The following MYH14 variants were observed in gnomAD, a reference collection of about 807,000 sequenced individuals.
MYH14 encodes the protein myosin-14.
A neutral mutation model predicts 255.5 loss-of-function variants in MYH14; 123 were observed. The observed-to-expected ratio is 0.48, with a 90% CI of 0.42 to 0.56. MYH14 has a LOEUF of 0.56. Ranked by LOEUF, MYH14 falls within the 20% of genes least tolerant of loss-of-function variation. The pLI is 0.00. For missense variants in MYH14, 2,423 were observed against 2,802.3 expected, an observed-to-expected ratio of 0.86 and a Z score of 3.06; for synonymous variants, 1,095 against 1,161.2, an observed-to-expected ratio of 0.94 and a Z score of 1.16.
rs1178352513 is a variant in MYH14, at chr19:50,276,135, G to A, written c.3612G>A (p.Glu1204=). ...KAEKQRRDLG[E]ELEALRGELE... ...AGAAGCAGCGCCGGGACCTGGGCGA[G>A]GAGCTGGAGGCGCTGCGGGGCGAGC... Residue 1204 remains glutamate, a synonymous_variant, in exon 28 of 43, where the codon GAG becomes GAA. Coordinates refer to ENST00000642316, the MANE Select transcript of MYH14 (RefSeq NM_001145809.2). The surrounding 1 kb of genome is among the most constrained non-coding windows in gnomAD (Gnocchi z 4.3). The A allele has an allele frequency of 6.3e-7, 1 of 1,587,684 alleles. No individual in the cohort carries two copies. The highest frequency in any genetic ancestry group is 8.6e-7 in the Non-Finnish European group (1 of 1,168,354).
At chr19:50,243,728 C>T (rs1236762644) in intron 10 of MYH14, among the ~76,000 whole-genome samples, 1 of 152,248 alleles carries the variant, frequency 6.6e-6, no homozygotes, top group African/African-American at 2.4e-5. Context: ...AAGCCACACA[C>T]AGCATTGTTT....
At chr19:50,303,967 A>G (rs1245692190) in intron 40 of MYH14, among the ~76,000 whole-genome samples, 1 of 152,212 alleles carries the variant, frequency 6.6e-6, no homozygotes, top group Admixed American at 6.5e-5. Context: ...TTCCAATACA[A>G]TAGATTTTCC....
Position 50,288,044 on chromosome 19 carries a change from C to A in MYH14, c.4752+1350C>A, listed in dbSNP as rs1483071295. On this transcript the variant is annotated intron_variant, in intron 34 of 42. Transcript: ENST00000642316. ...TAGGGTGGTGCCCCAAGGCTTCTCGCAGGCTCCCCTCACCCAGCCAGTGTC... is the reference window on the plus strand; with the variant it reads ...TAGGGTGGTGCCCCAAGGCTTCTCGAAGGCTCCCCTCACCCAGCCAGTGTC... Among the ~76,000 whole-genome samples, 8 of 152,290 alleles carry A rather than the reference C, an allele frequency of 5.3e-5. No homozygotes were observed. In the East Asian group the frequency reaches 1.5e-3, roughly 29 times the overall value.
intron 2 of MYH14, among the ~76,000 whole-genome samples, chr19:50,215,337 G>C (rs1249538056): frequency 2.0e-5 from 3 of 152,156 alleles, no homozygotes; most frequent in Non-Finnish European, 2.9e-5. Flanking sequence ...TCTGAGAGCT[G>C]GGGGGAGCTC....
Position 50,244,291 on chromosome 19 carries a change from G to A in MYH14, c.1164G>A (p.Leu388=), listed in dbSNP as rs1373649544. The stretch of plus-strand genomic sequence containing the variant: ...TTCTCCAGTTTGGCAACATTGCCTT[G>A]AAGAGAGAACGGAACACCGATCAAG... ...SAVLQFGNIA[L]KRERNTDQAT... The change falls in exon 11 of 43, where the codon TTG becomes TTA. Residue 388 remains leucine (L), a synonymous_variant. Transcript: ENST00000642316. The A allele has an allele frequency of 1.9e-6, 3 of 1,613,810 alleles. No individual in the cohort carries two copies. Among genetic ancestry groups the A allele is most frequent in the Non-Finnish European group, 1.7e-6 (2 of 1,179,874 alleles).
At chr19:50,296,538 C>T (rs920716367) in intron 39 of MYH14, among the ~76,000 whole-genome samples, 3 of 152,092 alleles carry the variant, frequency 2.0e-5, no homozygotes, top group African/African-American at 7.2e-5. Flanking sequence ...ATCCGGGAAG[C>T]AGAGGTTGTA....
In MYH14 at chr19:50,281,738, G is replaced by A. The variant is rs1385873176; in HGVS notation, c.4435G>A (p.Gly1479Ser). 1.9e-6 allele frequency: 3 copies of A among 1,611,586 alleles called. No individual in the cohort carries two copies. Among genetic ancestry groups the A allele is most frequent in the Non-Finnish European group, 2.5e-6 (3 of 1,179,556 alleles). Reference protein sequence around the residue: ...KTETVDRLERGRRRLQQELDD... With the variant: ...KTETVDRLERSRRRLQQELDD... Reference sequence around the variant, plus strand: ...AGAGACCGTGGATCGGCTGGAGCGGGGCCGCCGCCGGCTGCAGCAGGAGCT... The same window carrying A: ...AGAGACCGTGGATCGGCTGGAGCGGAGCCGCCGCCGGCTGCAGCAGGAGCT... Residue 1479 changes from glycine (G) to serine (S), a missense_variant, in exon 33 of 43, where the codon GGC becomes AGC. Transcript: ENST00000642316.
At chr19:50,267,114 G>T (rs1286729020) in intron 23 of MYH14, 106 bp downstream of exon 23, 5 of 1,140,270 alleles carry the variant, frequency 4.4e-6, no homozygotes, top group Middle Eastern at 2.9e-4. Flanking sequence ...GCCAGCCTGT[G>T]CCCAGGCAGG....
chr19:50,218,724 A>C (rs2032634357), intron 3 of MYH14, among the ~76,000 whole-genome samples: 1 of 152,052 alleles, frequency 6.6e-6, no homozygotes, highest in South Asian at 2.1e-4. Context: ...AGCAGTGTAC[A>C]CTGCACCCAA....
chr19:50,241,301 G>A (rs1227149045), intron 10 of MYH14, among the ~76,000 whole-genome samples: 9 of 152,274 alleles, frequency 5.9e-5, no homozygotes, highest in Middle Eastern at 3.4e-3. Flanking sequence ...TGGGCGTGTT[G>A]GCATGTGCCT....
Position 50,250,682 on chromosome 19 carries a change from G to T in MYH14, c.1824G>T (p.Ala608=), listed in dbSNP as rs903381620. The change falls in exon 15 of 43, where the codon GCG becomes GCT. Residue 608 remains alanine (A), a synonymous_variant. Coordinates refer to ENST00000642316, the MANE Select transcript of MYH14 (RefSeq NM_001145809.2). The surrounding 1 kb of genome is among the most constrained non-coding windows in gnomAD (Gnocchi z 5.4). ...DQADFSVLHY[A]GKVDYKANEW... ...CCGACTTCAGTGTTCTCCACTACGC[G>T]GGCAAGGTAGGGGCTGGGGCCGGCC... 1.2e-6 allele frequency: 2 copies of T among 1,611,082 alleles called. No homozygotes were observed. The highest frequency in any genetic ancestry group is 1.7e-6 in the Non-Finnish European group (2 of 1,177,540).
chr19:50,266,813 C>A lies in MYH14; in HGVS notation c.2695-64C>A. ...GGATTTGAACCCAGAAACTCAAACC[C>A]CACTAAGAGTGTGAGGTCTTGGCGC... On this transcript the variant is annotated intron_variant, in intron 22 of 42. Coordinates refer to ENST00000642316, the MANE Select transcript of MYH14 (RefSeq NM_001145809.2). The surrounding 1 kb of genome is among the most constrained non-coding windows in gnomAD (Gnocchi z 4.1). 1 of 1,547,060 alleles carries A rather than the reference C, an allele frequency of 6.5e-7. No individual in the cohort carries two copies. The highest frequency in any genetic ancestry group is 8.7e-7 in the Non-Finnish European group (1 of 1,143,446).
At chr19:50,241,540 T>A (rs1228270225) in intron 10 of MYH14, among the ~76,000 whole-genome samples, 1 of 152,072 alleles carries the variant, frequency 6.6e-6, no homozygotes, top group Non-Finnish European at 1.5e-5. Flanking sequence ...GGGGAGAGTG[T>A]TCTGAAAAGG....
intron 15 of MYH14, among the ~76,000 whole-genome samples, chr19:50,251,836 C>T (rs1322764318): frequency 1.3e-5 from 2 of 152,158 alleles, no homozygotes; most frequent in Non-Finnish European, 2.9e-5. Flanking sequence ...CATAGGCCTC[C>T]CAAAGTGCTG....
At chr19:50,228,047 G>A (rs1411461078) in intron 8 of MYH14, among the ~76,000 whole-genome samples, 1 of 152,206 alleles carries the variant, frequency 6.6e-6, no homozygotes, top group African/African-American at 2.4e-5. Context: ...ACTTTGGGAG[G>A]CCAAGGCCGG....
At chr19:50,251,482 TAC>T (rs1332884841) in intron 15 of MYH14, among the ~76,000 whole-genome samples, 1 of 142,304 alleles carries the variant, frequency 7.0e-6, no homozygotes, top group Non-Finnish European at 1.5e-5. Context: ...CATATATATA[TAC>T]ACACATATAT....
chr19:50,271,931 A>C lies in MYH14; in HGVS notation c.3254A>C (p.Lys1085Thr). Residue 1085 changes from lysine (K) to threonine (T), a missense_variant, in exon 26 of 43, where the codon AAG (lysine) becomes ACG (threonine). Physicochemically the swap from Lys to Thr is moderately conservative, Grantham distance 78 (BLOSUM62 -1). Around this residue, in one of 3 missense-constraint regions of MYH14, gnomAD observed 1,513 missense variants for 1,674.8 expected, o/e 0.90. Transcript: ENST00000642316. The stretch of plus-strand genomic sequence containing the variant: ...GAGGAGAAGGTCAAGAGCCTCAATA[A>C]GCTACGGCTCAAATATGAGGCCACA... ...EEEEKVKSLN[K>T]LRLKYEATIA... The C allele has an allele frequency of 6.2e-7, 1 of 1,612,192 alleles. No homozygotes were observed. The highest frequency in any genetic ancestry group is 1.1e-5 in the South Asian group (1 of 90,432).
intron 10 of MYH14, among the ~76,000 whole-genome samples, chr19:50,235,428 AC>A (rs1352977717): frequency 6.8e-6 from 1 of 148,108 alleles, no homozygotes; most frequent in African/African-American, 2.5e-5. Flanking sequence ...TCCACTAGAG[AC>A]CCCCCTGGAC....
intron 39 of MYH14, among the ~76,000 whole-genome samples, chr19:50,300,740 C>T (rs2123476178): frequency 6.6e-6 from 1 of 152,238 alleles, no homozygotes; most frequent in African/African-American, 2.4e-5. Context: ...CAGAGCAAGA[C>T]ATGGTTTCTA....
Sources: gnomAD v4.1 joint callset for allele counts (sites outside exome capture counted in the v4.1 genomes callset) on GRCh38, gnomAD v4.1.1 for gene constraint, gnomAD v4.1.1 regional missense constraint, Gnocchi (gnomAD v3.1) non-coding constraint, MANE v1.5 for transcripts, NCBI Gene and HGNC (gene_info 2026-07-23, HGNC 2026-07-21) for gene names.